The following BCAS3 variants were observed in gnomAD, a reference collection of about 807,000 sequenced individuals.
BCAS3 encodes the protein BCAS3 microtubule associated cell migration factor.
BCAS3 carries 53 observed loss-of-function variants against 116.1 expected under a neutral mutation model. The observed-to-expected ratio is 0.46, with a 90% confidence interval of 0.37 to 0.57. BCAS3 has a LOEUF of 0.57. Among genes scored for constraint, BCAS3 ranks in the 20% least tolerant of loss-of-function variants. The pLI, the probability that BCAS3 is intolerant of heterozygous loss-of-function variation, is 0.00. For missense variants in BCAS3, 917 were observed against 1,165.4 expected (o/e 0.79, Z 3.10); for synonymous variants, 391 against 408.2 (o/e 0.96, Z 0.51).
chr17:60,757,325 T>TA (rs1568180346), intron 6 of BCAS3, among the ~76,000 whole-genome samples: 15 of 142,986 alleles, frequency 1.0e-4, no homozygotes, highest in Admixed American at 2.1e-4. Context: ...AAAAAAATAA[T>TA]AATAATAAAT....
intron 16 of BCAS3, among the ~76,000 whole-genome samples, chr17:61,030,442 A>C (rs893342249): frequency 2.2e-4 from 33 of 152,120 alleles, no homozygotes; most frequent in African/African-American, 7.2e-4. Flanking sequence ...AATTCAATAT[A>C]TTGACCTGGC....
intron 11 of BCAS3, among the ~76,000 whole-genome samples, chr17:60,905,942 C>G (rs775680653): frequency 3.9e-5 from 6 of 152,198 alleles, no homozygotes; most frequent in Non-Finnish European, 8.8e-5. Context: ...AATGGAGTCT[C>G]TACCTGGCTG....
rs1300880518 is a variant in BCAS3 at position 61,388,515 on chromosome 17, C to T, written c.2594-3462C>T. 41 of 1,092,912 alleles carry T rather than the reference C, an allele frequency of 3.8e-5. No homozygotes were observed. Among genetic ancestry groups the T allele is most frequent in the Non-Finnish European group, 4.8e-5 (37 of 767,818 alleles). The allele number at this position is 1,092,912 out of a possible 1,614,324, so 67.7% of individuals were successfully genotyped here. On this transcript the variant is annotated intron_variant, in intron 23 of 23. Coordinates refer to ENST00000407086, the MANE Select transcript of BCAS3 (RefSeq NM_017679.5). The surrounding 1 kb of genome is among the most constrained non-coding windows in gnomAD (Gnocchi z 6.5). ...TCCCCCTCCTCACGGTGTGCCCCTG[C>T]GCCTCCTGACACCTCTCCACCTGCT...
intron 22 of BCAS3, among the ~76,000 whole-genome samples, chr17:61,351,706 C>T (rs781767987): frequency 6.6e-6 from 1 of 152,188 alleles, no homozygotes; most frequent in African/African-American, 2.4e-5. Flanking sequence ...CATCTCTCCC[C>T]CTTCCGCATC....
intron 22 of BCAS3, among the ~76,000 whole-genome samples, chr17:61,317,039 A>G (rs2054807818): frequency 6.6e-6 from 1 of 152,234 alleles, no homozygotes; most frequent in African/African-American, 2.4e-5. Flanking sequence ...TAGGTGTAGC[A>G]TATACAAAAA....
intron 18 of BCAS3, among the ~76,000 whole-genome samples, chr17:61,039,425 A>ATT (rs879447860): frequency 6.9e-6 from 1 of 145,536 alleles, no homozygotes. Flanking sequence ...TTGTGTGAAC[A>ATT]TTTTTTTTTT....
intron 22 of BCAS3, among the ~76,000 whole-genome samples, chr17:61,322,411 C>T (rs905422966): frequency 4.6e-5 from 7 of 152,160 alleles, no homozygotes; most frequent in African/African-American, 1.7e-4. Flanking sequence ...CTCCCCTCAC[C>T]CTTGGTGAGG....
chr17:60,678,035 G>C (rs1310838773), intron 1 of BCAS3, 121 bp downstream of exon 1: 2 of 153,286 alleles, frequency 1.3e-5, no homozygotes, highest in African/African-American at 4.8e-5. Context: ...GATACTGGAG[G>C]GGGAGGGGAA....
rs9892169 is a variant in BCAS3 at position 61,198,798 on chromosome 17, C to G, written c.2425+114234C>G. Among the ~76,000 whole-genome samples, 1 of 152,228 alleles carries G rather than the reference C, an allele frequency of 6.6e-6. No homozygotes were observed. Among genetic ancestry groups the G allele is most frequent in the Non-Finnish European group, 1.5e-5 (1 of 68,040 alleles). On this transcript the variant is annotated intron_variant, in intron 22 of 23. Coordinates refer to ENST00000407086, the MANE Select transcript of BCAS3 (RefSeq NM_017679.5). The surrounding 1 kb of genome is among the most constrained non-coding windows in gnomAD (Gnocchi z 5.0). The stretch of plus-strand genomic sequence containing the variant: ...GGTGTCCTCGGAATTTTAGAACTAA[C>G]GGTTTAATTTCCTGACTCTTAGAGT...
chr17:60,838,592 G>A (rs1017962981), intron 7 of BCAS3, among the ~76,000 whole-genome samples: 1 of 151,774 alleles, frequency 6.6e-6, no homozygotes, highest in Non-Finnish European at 1.5e-5. Flanking sequence ...AAATATTTTA[G>A]GTTCATTGGA....
chr17:61,341,536 A>C (rs116833588), intron 22 of BCAS3, among the ~76,000 whole-genome samples: 2 of 152,170 alleles, frequency 1.3e-5, no homozygotes, highest in African/African-American at 4.8e-5. Context: ...ACACTGGTGC[A>C]GTGGCACTCA....
Position 61,141,267 on chromosome 17 carries a change from G to C in BCAS3, c.2425+56703G>C, listed in dbSNP as rs1442428982. Among the ~76,000 whole-genome samples the C allele has an allele frequency of 6.6e-6, 1 of 152,168 alleles. No homozygotes were observed. The highest frequency in any genetic ancestry group is 1.5e-5 in the Non-Finnish European group (1 of 68,038). ...TAAATATTGAAACAATTATAAAGAA[G>C]TTAAATTAGGCTGGGCATGGGGGTT... On this transcript the variant is annotated intron_variant, in intron 22 of 23. Coordinates refer to ENST00000407086, the MANE Select transcript of BCAS3 (RefSeq NM_017679.5). The surrounding 1 kb of genome is among the most constrained non-coding windows in gnomAD (Gnocchi z 4.3).
intron 22 of BCAS3, among the ~76,000 whole-genome samples, chr17:61,121,779 G>A (rs2075802601): frequency 1.3e-5 from 2 of 152,194 alleles, no homozygotes; most frequent in African/African-American, 4.8e-5. Context: ...CACCCAGGCT[G>A]GAGTGCAGTG....
intron 13 of BCAS3, among the ~76,000 whole-genome samples, chr17:60,932,742 C>CAAAAAA (rs1167994825): frequency 4.7e-4 from 18 of 38,228 alleles, no homozygotes; most frequent in Non-Finnish European, 6.9e-4. Flanking sequence ...ACTCTTGTCT[C>CAAAAAA]AAAAAAAAAA....
At position 61,226,298 on chromosome 17, in the gene BCAS3, T is replaced by C. The variant is rs1192599491; in HGVS notation, c.2425+141734T>C. On this transcript the variant is annotated intron_variant, in intron 22 of 23. Coordinates refer to ENST00000407086, the MANE Select transcript of BCAS3 (RefSeq NM_017679.5). The surrounding 1 kb of genome is among the most constrained non-coding windows in gnomAD (Gnocchi z 6.0). Reference sequence around the variant, plus strand: ...AAAAATTCAGGAAATAATTGTTTTGTGATACCTAATTTTCAGGTAAGCCCA... The same window carrying C: ...AAAAATTCAGGAAATAATTGTTTTGCGATACCTAATTTTCAGGTAAGCCCA... 1.3e-5 allele frequency among the ~76,000 whole-genome samples: 2 copies of C among 152,252 alleles called. No homozygotes were observed. The highest frequency in any genetic ancestry group is 2.9e-5 in the Non-Finnish European group (2 of 68,048).
At chr17:61,112,490 A>T (rs2075155179) in intron 22 of BCAS3, among the ~76,000 whole-genome samples, 1 of 50,026 alleles carries the variant, frequency 2.0e-5, no homozygotes, top group African/African-American at 8.0e-5. Flanking sequence ...GAGACAAAGA[A>T]GGCCATTACA....
Position 61,128,394 on chromosome 17 carries a change from A to G in BCAS3, c.2425+43830A>G, listed in dbSNP as rs566323046. 38 of 985,298 alleles carry G rather than the reference A, an allele frequency of 3.9e-5. No individual in the cohort carries two copies. The highest frequency in any genetic ancestry group is 1.9e-4 in the African/African-American group (11 of 57,244). 61.0% of individuals were successfully genotyped at this position (985,298 alleles called of 1,614,324 possible). A position where few individuals can be genotyped will look rare whatever the true frequency, so the allele number is the denominator to read the frequency against. On this transcript the variant is annotated intron_variant, in intron 22 of 23. Coordinates refer to ENST00000407086, the MANE Select transcript of BCAS3 (RefSeq NM_017679.5). This position sits in a 1 kb window ranked among gnomAD's most constrained non-coding sequence, Gnocchi z 4.1. ...GGCTTATTTAAGTGAAAGGTGGGAC[A>G]CCAGTAGATATACATTCAGACAAAT...
Position 61,244,106 on chromosome 17 carries a change from CAAATT to C in BCAS3, c.2426-124217_2426-124213del, listed in dbSNP as rs918497152. On this transcript the variant is annotated intron_variant, in intron 22 of 23. Coordinates refer to ENST00000407086, the MANE Select transcript of BCAS3 (RefSeq NM_017679.5). This position sits in a 1 kb window ranked among gnomAD's most constrained non-coding sequence, Gnocchi z 4.9. ...TTCAAGTTTTAAAAGAATAATATGT[CAAATT>C]AAAGCATTTTTAAACCTCTTTTTTT... Among the ~76,000 whole-genome samples the C allele has an allele frequency of 4.3e-4, 66 of 152,140 alleles. No homozygotes were observed. The highest frequency in any genetic ancestry group is 1.5e-3 in the African/African-American group (63 of 41,494).
intron 22 of BCAS3, among the ~76,000 whole-genome samples, chr17:61,234,234 C>T (rs1436838864): frequency 1.3e-5 from 2 of 152,116 alleles, no homozygotes; most frequent in African/African-American, 4.8e-5. Context: ...TTCTAAGCTT[C>T]CCACTGAGTA....
Sources: allele counts gnomAD v4.1 joint callset (sites outside exome capture counted in the v4.1 genomes callset), GRCh38; gene constraint gnomAD v4.1.1; non-coding constraint Gnocchi (gnomAD v3.1); transcripts MANE v1.5; gene names NCBI Gene and HGNC (gene_info 2026-07-23, HGNC 2026-07-21).